USP6NL: variants seen among roughly 807,000 people sequenced by gnomAD.
USP6NL encodes USP6 N-terminal like.
A neutral mutation model predicts 61.9 loss-of-function variants in USP6NL; 26 were observed. The observed-to-expected ratio is 0.42, with a 90% CI of 0.31 to 0.58. The LOEUF is 0.58. USP6NL is among the 20% of genes least tolerant of loss of function. The pLI, the probability that USP6NL is intolerant of heterozygous loss-of-function variation, is 0.16. For synonymous variants in USP6NL, 432 were observed against 390.1 expected (o/e 1.11, Z -1.27); for missense variants, 1,114 against 1,034.3 (o/e 1.08, Z -1.06).
At position 11,513,215 on chromosome 10, in the gene USP6NL, G is replaced by A. The variant is rs182148649; in HGVS notation, c.196-3540C>T. 2.6e-3 allele frequency among the ~76,000 whole-genome samples: 403 copies of A among 152,310 alleles called. 2 individuals carry two copies. The highest frequency in any genetic ancestry group is 4.2e-3 in the Non-Finnish European group (284 of 68,014). On this transcript the variant is annotated intron_variant, in intron 5 of 14. Transcript: ENST00000609104. This position sits in a 1 kb window ranked among gnomAD's most constrained non-coding sequence, Gnocchi z 4.7. ...CTGTGGTCTCAAGGTGGAGGGGTGG[G>A]AAGTAGAATGAATATGAACAGATAG...
Position 11,485,897 on chromosome 10 carries a change from C to T in USP6NL, c.679G>A (p.Gly227Ser). Reference protein sequence around the residue: ...KHAMHGFFVQGFPKLLRFQEH... With the variant: ...KHAMHGFFVQSFPKLLRFQEH... ...TGAAACCTCAAGAGTTTAGGAAAAC[C>T]TTGGACAAAAAAGCCTAGAATACAA... Residue 227 changes from glycine to serine, a missense_variant, in exon 11 of 15, where the codon GGT (glycine) becomes AGT (serine). Coordinates refer to ENST00000609104, the MANE Select transcript of USP6NL (RefSeq NM_014688.5). This position sits in a 1 kb window ranked among gnomAD's most constrained non-coding sequence, Gnocchi z 4.8. 1 of 1,547,766 alleles carries T rather than the reference C, an allele frequency of 6.5e-7. No homozygotes were observed.
chr10:11,463,041 G>C lies in USP6NL; in HGVS notation c.1887C>G (p.Pro629=). Residue 629 remains proline (P), a synonymous_variant, in exon 15 of 15, where the codon CCC becomes CCG. Transcript: ENST00000609104. This position sits in a 1 kb window ranked among gnomAD's most constrained non-coding sequence, Gnocchi z 6.3. ...LDGEARGLAH[P]PSYSNPPVYH... ...AAACGGGGGGATTGCTGTAGGAGGG[G>C]GGATGAGCTAGCCCTCGGGCTTCCC... The C allele has an allele frequency of 6.2e-7, 1 of 1,613,906 alleles. No individual in the cohort carries two copies. The highest frequency in any genetic ancestry group is 8.5e-7 in the Non-Finnish European group (1 of 1,179,864).
In USP6NL at chr10:11,591,719, C is replaced by T. The variant is rs1838162684; in HGVS notation, c.4+5912G>A. ...AAAAGGTATATGGAAATTTGGGGTA[C>T]TATTTTTACAACTTTTCTTGTTGTA... On this transcript the variant is annotated intron_variant, in intron 2 of 14. Transcript: ENST00000609104. The surrounding 1 kb of genome is among the most constrained non-coding windows in gnomAD (Gnocchi z 4.7). Among the ~76,000 whole-genome samples, 1 of 151,802 alleles carries T rather than the reference C, an allele frequency of 6.6e-6. No homozygotes were observed. Among genetic ancestry groups the T allele is most frequent in the Non-Finnish European group, 1.5e-5 (1 of 67,956 alleles).
rs1234122437 is a variant in USP6NL at position 11,595,995 on chromosome 10, C to A, written c.4+1636G>T. ...CTATTAGTTGCTTGGCAAGCCATTC[C>A]TCCCCTCTGCCTTCATCCTCGCAAG... On this transcript the variant is annotated intron_variant, in intron 2 of 14. Transcript: ENST00000609104. The surrounding 1 kb of genome is among the most constrained non-coding windows in gnomAD (Gnocchi z 5.3). Among the ~76,000 whole-genome samples the A allele has an allele frequency of 6.6e-6, 1 of 152,100 alleles. No homozygotes were observed. The highest frequency in any genetic ancestry group is 2.4e-5 in the African/African-American group (1 of 41,428).
chr10:11,532,261 T>C lies in USP6NL; in HGVS notation c.5-4694A>G. 2 of 1,569,688 alleles carry C rather than the reference T, an allele frequency of 1.3e-6. No individual in the cohort carries two copies. Among genetic ancestry groups the C allele is most frequent in the Non-Finnish European group, 1.7e-6 (2 of 1,158,118 alleles). ...GTAACTTATCTATTCCAAGATTTCATTATTATTTTATAGTTCTCGAACACA... is the reference window on the plus strand; with the variant it reads ...GTAACTTATCTATTCCAAGATTTCACTATTATTTTATAGTTCTCGAACACA... On this transcript the variant is annotated intron_variant, in intron 2 of 14. Coordinates refer to ENST00000609104, the MANE Select transcript of USP6NL (RefSeq NM_014688.5). This position sits in a 1 kb window ranked among gnomAD's most constrained non-coding sequence, Gnocchi z 4.1.
intron 2 of USP6NL, among the ~76,000 whole-genome samples, chr10:11,555,604 G>T (rs1424099612): frequency 6.6e-6 from 1 of 151,188 alleles, no homozygotes; most frequent in African/African-American, 2.4e-5. Flanking sequence ...AGATAGAATG[G>T]TACAGAAGCA....
In USP6NL at chr10:11,543,593, C is replaced by CAT. The variant is rs1290168453; in HGVS notation, c.5-16028_5-16027dup. Among the ~76,000 whole-genome samples, 4 of 151,648 alleles carry CAT rather than the reference C, an allele frequency of 2.6e-5. No individual in the cohort carries two copies. In the East Asian group the frequency reaches 7.7e-4, roughly 29 times the overall value. ...AAAAAGAAACATCTATATAATCTACCATATATATATTATCTTCCTAATAGG... is the reference window on the plus strand; with the variant it reads ...AAAAAGAAACATCTATATAATCTACCATATATATATATTATCTTCCTAATAGG... On this transcript the variant is annotated intron_variant, in intron 2 of 14. Coordinates refer to ENST00000609104, the MANE Select transcript of USP6NL (RefSeq NM_014688.5).
intron 2 of USP6NL, among the ~76,000 whole-genome samples, chr10:11,547,620 A>C (rs1027114259): frequency 6.6e-6 from 1 of 151,858 alleles, no homozygotes; most frequent in African/African-American, 2.4e-5. Context: ...GCTCACTGCA[A>C]GCTCCGCCTC....
chr10:11,559,030 T>C (rs1360561595), intron 2 of USP6NL, among the ~76,000 whole-genome samples: 1 of 152,200 alleles, frequency 6.6e-6, no homozygotes, highest in Non-Finnish European at 1.5e-5. Context: ...TCTATAGTCA[T>C]GACAGTACAA....
At position 11,468,479 on chromosome 10, in the gene USP6NL, A is replaced by T. The variant is rs778816029; in HGVS notation, c.1079-4630T>A. Reference sequence around the variant, plus strand: ...ACTACTGCCTACACCCCTCACTCAGAGGAGTGGTCCTGTCCTTCCCCTAGT... The same window carrying T: ...ACTACTGCCTACACCCCTCACTCAGTGGAGTGGTCCTGTCCTTCCCCTAGT... On this transcript the variant is annotated intron_variant, in intron 14 of 14. Coordinates refer to ENST00000609104, the MANE Select transcript of USP6NL (RefSeq NM_014688.5). This position sits in a 1 kb window ranked among gnomAD's most constrained non-coding sequence, Gnocchi z 4.5. 1.3e-5 allele frequency among the ~76,000 whole-genome samples: 2 copies of T among 152,216 alleles called. No homozygotes were observed. The highest frequency in any genetic ancestry group is 2.9e-5 in the Non-Finnish European group (2 of 68,040).
chr10:11,588,599 C>T (rs1314490354), intron 2 of USP6NL, among the ~76,000 whole-genome samples: 2 of 152,146 alleles, frequency 1.3e-5, no homozygotes, highest in Middle Eastern at 3.4e-3. Flanking sequence ...TGAGAAGAGA[C>T]ACACACTAAT....
chr10:11,560,441 A>G (rs574676722), intron 2 of USP6NL, among the ~76,000 whole-genome samples: 7 of 152,182 alleles, frequency 4.6e-5, no homozygotes, highest in Non-Finnish European at 1.0e-4. Context: ...AGCAAAGTCA[A>G]GAATCATCTT....
At chr10:11,526,040 C>A (rs1369633461) in intron 3 of USP6NL, among the ~76,000 whole-genome samples, 3 of 151,520 alleles carry the variant, frequency 2.0e-5, no homozygotes, top group Non-Finnish European at 4.4e-5. Flanking sequence ...TTGTCAGTGT[C>A]GCTCACTCCC....
chr10:11,593,297 G>C (rs370598280), intron 2 of USP6NL, among the ~76,000 whole-genome samples: 1 of 152,256 alleles, frequency 6.6e-6, no homozygotes, highest in African/African-American at 2.4e-5. Context: ...TTTGGAAAAA[G>C]AAATTAAGTA....
rs35064649 is a variant in USP6NL, at chr10:11,548,661, C to T, written c.5-21094G>A. On this transcript the variant is annotated intron_variant, in intron 2 of 14. Coordinates refer to ENST00000609104, the MANE Select transcript of USP6NL (RefSeq NM_014688.5). This position sits in a 1 kb window ranked among gnomAD's most constrained non-coding sequence, Gnocchi z 4.3. Reference sequence around the variant, plus strand: ...GAATAAGCTAAGATCCTAGGACCCACTGGCAAAGACTTTCATTCTGATAAA... The same window carrying T: ...GAATAAGCTAAGATCCTAGGACCCATTGGCAAAGACTTTCATTCTGATAAA... Among the ~76,000 whole-genome samples the T allele has an allele frequency of 0.11, 17,193 of 152,178 alleles. 1,286 individuals carry two copies. The highest frequency in any genetic ancestry group is 0.16 in the East Asian group (827 of 5,180).
intron 1 of USP6NL, among the ~76,000 whole-genome samples, chr10:11,601,123 G>T (rs1166066483): frequency 6.6e-6 from 1 of 152,012 alleles, no homozygotes; most frequent in Non-Finnish European, 1.5e-5. Flanking sequence ...CAACAAAAGG[G>T]TAAGTAATGA....
rs536900832 is a variant in USP6NL at position 11,532,280 on chromosome 10, G to C, written c.5-4713C>G. On this transcript the variant is annotated intron_variant, in intron 2 of 14. Transcript: ENST00000609104. This position sits in a 1 kb window ranked among gnomAD's most constrained non-coding sequence, Gnocchi z 4.1. ...ATTTCATTATTATTTTATAGTTCTCGAACACACCAAGAGTGCTGCCCGGCG... is the reference window on the plus strand; with the variant it reads ...ATTTCATTATTATTTTATAGTTCTCCAACACACCAAGAGTGCTGCCCGGCG... The C allele has an allele frequency of 2.0e-6, 3 of 1,527,384 alleles. No individual in the cohort carries two copies. Among genetic ancestry groups the C allele is most frequent in the Admixed American group, 2.1e-5 (1 of 48,580 alleles). 94.6% of individuals were successfully genotyped at this position (1,527,384 alleles called of 1,614,324 possible). A position where few individuals can be genotyped will look rare whatever the true frequency, so the allele number is the denominator to read the frequency against.
chr10:11,581,756 A>C (rs752862167), intron 2 of USP6NL, among the ~76,000 whole-genome samples: 1 of 152,168 alleles, frequency 6.6e-6, no homozygotes, highest in Non-Finnish European at 1.5e-5. Context: ...TTGTCATTCT[A>C]CTTAAGCTTG....
chr10:11,472,953 C>T (rs1832818423), intron 14 of USP6NL, among the ~76,000 whole-genome samples: 1 of 152,184 alleles, frequency 6.6e-6, no homozygotes, highest in Non-Finnish European at 1.5e-5. Context: ...AAAACCTACA[C>T]TTTGTCTCCT....
Sources: gnomAD v4.1 joint callset for allele counts (sites outside exome capture counted in the v4.1 genomes callset) on GRCh38, gnomAD v4.1.1 for gene constraint, Gnocchi (gnomAD v3.1) non-coding constraint, MANE v1.5 for transcripts, NCBI Gene and HGNC (gene_info 2026-07-23, HGNC 2026-07-21) for gene names.